NEDD4: variants seen among roughly 807,000 people sequenced by gnomAD.
The protein encoded by NEDD4 is NEDD4 E3 ubiquitin protein ligase, also known as E3 ubiquitin-protein ligase NEDD4.
A neutral mutation model predicts 144.9 loss-of-function variants in NEDD4; 99 were observed. That is an observed-to-expected ratio of 0.68 (90% CI 0.58 to 0.81). The LOEUF (loss-of-function observed/expected upper bound fraction) is 0.81. Among genes scored for constraint, NEDD4 ranks in the 30% least tolerant of loss-of-function variants. The probability of loss-of-function intolerance (pLI) is 0.00; values close to 1 mark genes in which losing one functional copy is unlikely to be tolerated. For synonymous variants in NEDD4, 318 were observed against 350.6 expected (o/e 0.91, Z 1.04); for missense variants, 985 against 1,065.9 (o/e 0.92, Z 1.06).
intron 18 of NEDD4, among the ~76,000 whole-genome samples, 173 bp downstream of exon 18, chr15:55,846,796 G>T (rs1018225279): frequency 6.6e-6 from 1 of 152,104 alleles, no homozygotes; most frequent in African/African-American, 2.4e-5. Context: ...ACTAATTATG[G>T]TCTGTAGTGA....
At chr15:55,991,269 T>A (rs2037984832) in intron 1 of NEDD4, among the ~76,000 whole-genome samples, 1 of 152,214 alleles carries the variant, frequency 6.6e-6, no homozygotes, top group African/African-American at 2.4e-5. Flanking sequence ...TGCAATGCTT[T>A]CTTCCTTTAA....
chr15:55,929,352 T>C (rs540127615), intron 4 of NEDD4, among the ~76,000 whole-genome samples: 1 of 152,312 alleles, frequency 6.6e-6, no homozygotes. Context: ...AAATTTATTT[T>C]AGTTTTGGGA....
At chr15:55,974,891 C>CTTTTTTTTTTTTTTTTTTTTTTTTTTTT (rs56285555) in intron 1 of NEDD4, among the ~76,000 whole-genome samples, 9 of 75,712 alleles carry the variant, frequency 1.2e-4, no homozygotes, top group Admixed American at 1.9e-4. Flanking sequence ...CTTTTCCTTT[C>CTTTTTTTTTTTTTTTTTTTTTTTTTTTT]TTTTTTTTTT....
At chr15:55,844,090 G>A (rs569400150) in intron 18 of NEDD4, among the ~76,000 whole-genome samples, 1 of 152,058 alleles carries the variant, frequency 6.6e-6, no homozygotes, top group Admixed American at 6.6e-5. Context: ...GGCTTTGAGA[G>A]GAAGTCTTTA....
intron 4 of NEDD4, among the ~76,000 whole-genome samples, chr15:55,938,525 A>C (rs1186334696): frequency 6.6e-6 from 1 of 152,204 alleles, no homozygotes; most frequent in African/African-American, 2.4e-5. Flanking sequence ...AACAGAGAAG[A>C]AGCTTCTTGA....
At chr15:55,879,631 T>C (rs1566928700) in intron 5 of NEDD4, among the ~76,000 whole-genome samples, 2 of 152,198 alleles carry the variant, frequency 1.3e-5, no homozygotes, top group Middle Eastern at 3.4e-3. Flanking sequence ...TCAAGTCAAA[T>C]TGCAAGAAAA....
intron 1 of NEDD4, among the ~76,000 whole-genome samples, chr15:55,990,793 C>T (rs1377949844): frequency 6.6e-6 from 1 of 152,208 alleles, no homozygotes; most frequent in Admixed American, 6.5e-5. Flanking sequence ...CACCACACTG[C>T]TCTCCAATAA....
chr15:55,842,232 A>C, intron 18 of NEDD4, 69 bp from the exon 19 acceptor site: 1 of 1,301,762 alleles, frequency 7.7e-7, no homozygotes, highest in Non-Finnish European at 1.1e-6. Context: ...TCTCTCATAA[A>C]GTTATAACAT....
Position 55,966,472 on chromosome 15 carries a change from C to T in NEDD4, c.119+1G>A. ...ATTATAATCCAAATAGATATACTTA[C>T]CTAGCTCCCAATATATCCTTCTTGG... On this transcript the variant is annotated splice_donor_variant, in intron 2 of 28. Transcript: ENST00000435532. LOFTEE classifies it high-confidence loss of function. The T allele has an allele frequency of 2.7e-6, 4 of 1,506,044 alleles. No individual in the cohort carries two copies. The highest frequency in any genetic ancestry group is 3.6e-6 in the Non-Finnish European group (4 of 1,119,054). The allele number at this position is 1,506,044 out of a possible 1,614,324, so 93.3% of individuals were successfully genotyped here. A position where few individuals can be genotyped will look rare whatever the true frequency, so the allele number is the denominator to read the frequency against.
In NEDD4 at chr15:55,980,387, G is replaced by A. The variant is rs927807429; in HGVS notation, c.45+13124C>T. On this transcript the variant is annotated intron_variant, in intron 1 of 28. Coordinates refer to ENST00000435532, the MANE Select transcript of NEDD4 (RefSeq NM_006154.4). ...CTTGGGTCTGAGAACAGCGGCTGCT[G>A]TACCCACTAAACAGAAGATTGAGCG... 2.6e-5 allele frequency among the ~76,000 whole-genome samples: 4 copies of A among 152,188 alleles called. 1 individual carries two copies. The highest frequency in any genetic ancestry group is 2.6e-4 in the Admixed American group (4 of 15,282).
chr15:55,927,335 G>C lies in NEDD4; in HGVS notation c.238-2636C>G, dbSNP rs1008416830. On this transcript the variant is annotated intron_variant, in intron 4 of 28. Transcript: ENST00000435532. Reference sequence around the variant, plus strand: ...ACAAGATTCTTTTTTTTTTGAGATAGAGTCTCACTCTGTCACCCAGGCTGG... The same window carrying C: ...ACAAGATTCTTTTTTTTTTGAGATACAGTCTCACTCTGTCACCCAGGCTGG... 4.6e-5 allele frequency among the ~76,000 whole-genome samples: 7 copies of C among 151,298 alleles called. No homozygotes were observed. The South Asian group carries it at 1.5e-3, about 31-fold the overall frequency.
intron 1 of NEDD4, among the ~76,000 whole-genome samples, chr15:55,974,504 T>C (rs547479061): frequency 1.3e-5 from 2 of 152,204 alleles, no homozygotes; most frequent in Admixed American, 6.5e-5. Context: ...TAAACATTGA[T>C]GCAAAAATCC....
At chr15:55,868,632 A>T (rs1239317481) in intron 8 of NEDD4, among the ~76,000 whole-genome samples, 1 of 151,602 alleles carries the variant, frequency 6.6e-6, no homozygotes, top group Admixed American at 6.6e-5. Flanking sequence ...TGATTGTGAG[A>T]CCTCCCCAGC....
intron 5 of NEDD4, among the ~76,000 whole-genome samples, chr15:55,881,933 C>T (rs759651234): frequency 6.6e-6 from 1 of 152,124 alleles, no homozygotes; most frequent in Non-Finnish European, 1.5e-5. Context: ...CAGTAGTACC[C>T]GCCCTCCAGT....
intron 1 of NEDD4, among the ~76,000 whole-genome samples, chr15:55,979,087 T>A (rs2037754151): frequency 6.6e-6 from 1 of 151,634 alleles, no homozygotes; most frequent in Non-Finnish European, 1.5e-5. Flanking sequence ...ATATACCCCA[T>A]TTTTACTTAT....
chr15:55,918,327 A>G (rs1270925518), intron 5 of NEDD4, among the ~76,000 whole-genome samples: 1 of 152,172 alleles, frequency 6.6e-6, no homozygotes, highest in African/African-American at 2.4e-5. Context: ...CTCAAATGCC[A>G]TAGACCAAGG....
At chr15:55,986,747 AC>A (rs1451053681) in intron 1 of NEDD4, among the ~76,000 whole-genome samples, 2 of 120,146 alleles carry the variant, frequency 1.7e-5, no homozygotes, top group Admixed American at 8.7e-5. Context: ...CCACCACCAC[AC>A]CCGGCTAATT....
At chr15:55,922,194 T>C (rs1409445619) in intron 5 of NEDD4, among the ~76,000 whole-genome samples, 1 of 152,208 alleles carries the variant, frequency 6.6e-6, no homozygotes, top group African/African-American at 2.4e-5. Flanking sequence ...GGAGGTTAAA[T>C]ACATAAATTA....
rs987384360 is a variant in NEDD4 at position 55,829,692 on chromosome 15, A to T, written c.*205T>A. 19 of 480,036 alleles carry T rather than the reference A, an allele frequency of 4.0e-5. No homozygotes were observed. The highest frequency in any genetic ancestry group is 5.7e-4 in the Middle Eastern group (1 of 1,752). 29.7% of individuals were successfully genotyped at this position (480,036 alleles called of 1,614,324 possible). Reference sequence around the variant, plus strand: ...GGCACCTAACTCTAAAGACAGCATGAAACAACTGTGTAAATGCAACACATT... The same window carrying T: ...GGCACCTAACTCTAAAGACAGCATGTAACAACTGTGTAAATGCAACACATT... On this transcript the variant is annotated 3_prime_UTR_variant, in exon 29 of 29. Transcript: ENST00000435532.
Sources: allele counts gnomAD v4.1 joint callset (sites outside exome capture counted in the v4.1 genomes callset), GRCh38; gene constraint gnomAD v4.1.1; transcripts MANE v1.5; gene names NCBI Gene and HGNC (gene_info 2026-07-23, HGNC 2026-07-21).